The following RBFOX1 variants were observed in gnomAD, a reference collection of about 807,000 sequenced individuals.
The protein encoded by RBFOX1 is RNA binding protein fox-1 homolog 1.
RBFOX1 carries 8 observed loss-of-function variants against 57.7 expected under a neutral mutation model. The observed-to-expected ratio is 0.14, with a 90% CI of 0.08 to 0.25. The LOEUF (loss-of-function observed/expected upper bound fraction) is 0.25. Among genes scored for constraint, RBFOX1 ranks in the 10% least tolerant of loss-of-function variants. The probability of loss-of-function intolerance (pLI) is 1.00; values close to 1 mark genes in which losing one functional copy is unlikely to be tolerated. For missense variants in RBFOX1, 611 were observed against 548.5 expected (o/e 1.11, Z -1.14); for synonymous variants, 326 against 222.4 (o/e 1.47, Z -4.15).
At chr16:6,270,779 C>T (rs2075118467) in intron 1 of RBFOX1, among the ~76,000 whole-genome samples, 1 of 152,104 alleles carries the variant, frequency 6.6e-6, no homozygotes, top group Non-Finnish European at 1.5e-5. Flanking sequence ...GTTTCTTTTT[C>T]ATGTCCATGG....
At chr16:6,797,978 A>G (rs532004816) in intron 3 of RBFOX1, among the ~76,000 whole-genome samples, 8 of 152,018 alleles carry the variant, frequency 5.3e-5, no homozygotes, top group Non-Finnish European at 1.2e-4. Flanking sequence ...TGATGGTGAT[A>G]GCGGTGATGG....
rs72778533 is a variant in RBFOX1, at chr16:7,711,734, G to T, written c.*989G>T. ...AACAGTCTATGAAGCTTTAGTTTTA[G>T]CCTAGTAGAACAACTGTTAGAGACA... On this transcript the variant is annotated 3_prime_UTR_variant, in exon 16 of 16. Transcript: ENST00000550418. The T allele has an allele frequency of 0.073, 11,119 of 152,620 alleles. 543 individuals carry two copies. Among genetic ancestry groups the T allele is most frequent in the Non-Finnish European group, 0.1 (7,062 of 68,002 alleles). 9.5% of individuals were successfully genotyped at this position (152,620 alleles called of 1,614,324 possible). A position where few individuals can be genotyped will look rare whatever the true frequency, so the allele number is the denominator to read the frequency against.
chr16:5,370,683 C>T (rs1329559683), intron 1 of RBFOX1, among the ~76,000 whole-genome samples: 2 of 151,716 alleles, frequency 1.3e-5, no homozygotes, highest in Non-Finnish European at 2.9e-5. Context: ...TTTGTAGAGA[C>T]AGAGTCTCTG....
At chr16:5,598,181 C>G (rs890139145) in intron 2 of RBFOX1, among the ~76,000 whole-genome samples, 2 of 151,540 alleles carry the variant, frequency 1.3e-5, no homozygotes, top group Admixed American at 1.3e-4. Flanking sequence ...GCCTATAGTC[C>G]CAGCAACTTG....
chr16:7,091,077 C>A (rs1026461371), intron 4 of RBFOX1, among the ~76,000 whole-genome samples: 15 of 152,190 alleles, frequency 9.9e-5, no homozygotes, highest in Non-Finnish European at 1.5e-5. Flanking sequence ...ATGGTCCCCG[C>A]TTAAACTCTA....
At position 5,991,181 on chromosome 16, in the gene RBFOX1, G is replaced by C. The variant is rs534264845; in HGVS notation, c.351+123846G>C. On this transcript the variant is annotated intron_variant, in intron 4 of 19. Transcript: ENST00000641259. ...GGTTACATACAATGCGTTGTATTCAGTTGACCCTCATGGCAATCCCACTAG... is the reference window on the plus strand; with the variant it reads ...GGTTACATACAATGCGTTGTATTCACTTGACCCTCATGGCAATCCCACTAG... 6.6e-5 allele frequency among the ~76,000 whole-genome samples: 10 copies of C among 152,274 alleles called. No homozygotes were observed. In the South Asian group the frequency reaches 1.7e-3, roughly 25 times the overall value.
chr16:6,043,997 C>G (rs150878610), intron 1 of RBFOX1, among the ~76,000 whole-genome samples: 6 of 152,300 alleles, frequency 3.9e-5, no homozygotes, highest in African/African-American at 2.4e-5. Context: ...TTCTAGGTTG[C>G]TGCATAGCCT....
chr16:7,373,491 G>C (rs934882057), intron 4 of RBFOX1, among the ~76,000 whole-genome samples: 2 of 152,120 alleles, frequency 1.3e-5, no homozygotes, highest in Admixed American at 6.5e-5. Flanking sequence ...CAGAATAGAT[G>C]GTGTTAATCT....
chr16:7,219,765 G>A lies in RBFOX1; in HGVS notation c.27+167667G>A, dbSNP rs924331480. On this transcript the variant is annotated intron_variant, in intron 4 of 15. Transcript: ENST00000550418. The stretch of plus-strand genomic sequence containing the variant: ...GAATGACTCCATTCCTTTTAGAAAA[G>A]CCAGACGGATAATTTAATTTTTGTT... Among the ~76,000 whole-genome samples the A allele has an allele frequency of 3.9e-5, 6 of 152,278 alleles. No homozygotes were observed. In the East Asian group the frequency reaches 1.2e-3, roughly 29 times the overall value.
At chr16:7,703,277 A>G (rs975069269) in intron 14 of RBFOX1, among the ~76,000 whole-genome samples, 7 of 152,202 alleles carry the variant, frequency 4.6e-5, no homozygotes, top group African/African-American at 1.7e-4. Context: ...CTGGTGAGAC[A>G]TCCCATTTTG....
chr16:6,182,308 C>G (rs1001153172), intron 1 of RBFOX1, among the ~76,000 whole-genome samples: 17 of 152,188 alleles, frequency 1.1e-4, no homozygotes, highest in South Asian at 4.1e-4. Flanking sequence ...TCTGTTCTCT[C>G]TCACTTTCAT....
chr16:6,577,889 A>C (rs1284170441), intron 2 of RBFOX1, among the ~76,000 whole-genome samples: 2 of 152,178 alleles, frequency 1.3e-5, no homozygotes, highest in Non-Finnish European at 2.9e-5. Flanking sequence ...TAAACAAACG[A>C]GGCAATCATT....
rs138500943 is a variant in RBFOX1 at position 6,567,115 on chromosome 16, C to G, written c.-63-87488C>G. On this transcript the variant is annotated intron_variant, in intron 2 of 15. Transcript: ENST00000550418. ...TACTCTATTAAATGAGCAGGCTGTC[C>G]AGATTTCTCTGCATCGCCTTTGGTT... is the stretch of plus-strand genomic sequence containing the variant. Among the ~76,000 whole-genome samples, 327 of 152,218 alleles carry G rather than the reference C, an allele frequency of 2.1e-3. 1 individual carries two copies. Among genetic ancestry groups the G allele is most frequent in the Non-Finnish European group, 3.9e-3 (263 of 68,024 alleles).
At chr16:7,579,465 G>A (rs1338552557) in intron 5 of RBFOX1, among the ~76,000 whole-genome samples, 1 of 151,944 alleles carries the variant, frequency 6.6e-6, no homozygotes, top group Non-Finnish European at 1.5e-5. Flanking sequence ...AGCCTATAGT[G>A]CTTTTCTCTG....
intron 13 of RBFOX1, among the ~76,000 whole-genome samples, chr16:7,668,163 C>T (rs2070045155): frequency 6.6e-6 from 1 of 152,170 alleles, no homozygotes; most frequent in Admixed American, 6.5e-5. Flanking sequence ...GTGCCCTGCT[C>T]TCTCCCCTCC....
rs188642113 is a variant in RBFOX1, at chr16:5,619,438, G to C, written c.318+20477G>C. On this transcript the variant is annotated intron_variant, in intron 3 of 19. Coordinates refer to the RBFOX1 transcript ENST00000641259. Reference sequence around the variant, plus strand: ...AGATTGCTTTGCAAGGTAAGCTCTTGATTTTATGACCTCATCTCTCGCCCC... The same window carrying C: ...AGATTGCTTTGCAAGGTAAGCTCTTCATTTTATGACCTCATCTCTCGCCCC... Among the ~76,000 whole-genome samples, 19 of 152,256 alleles carry C rather than the reference G, an allele frequency of 1.2e-4. No individual in the cohort carries two copies. The East Asian group carries it at 2.5e-3, about 20-fold the overall frequency.
chr16:5,910,215 G>C (rs924687414), intron 4 of RBFOX1, among the ~76,000 whole-genome samples: 4 of 152,136 alleles, frequency 2.6e-5, no homozygotes, highest in African/African-American at 9.7e-5. Flanking sequence ...AGAATGAGAA[G>C]GGAACTAAAG....
At position 6,966,892 on chromosome 16, in the gene RBFOX1, T is replaced by G. The variant is rs1257753765; in HGVS notation, c.-15-85165T>G. Among the ~76,000 whole-genome samples, 3 of 109,702 alleles carry G rather than the reference T, an allele frequency of 2.7e-5. No individual in the cohort carries two copies. In the East Asian group the frequency reaches 8.4e-4, roughly 31 times the overall value. The allele number at this position is 109,702 out of a possible 152,430, so 72.0% of individuals were successfully genotyped here. ...CTATCCATGTATCCATCTATTCATC[T>G]CTCCATCCATCCATCCATCCATCCA... On this transcript the variant is annotated intron_variant, in intron 3 of 15. Transcript: ENST00000550418.
At chr16:7,137,070 T>C (rs2072227196) in intron 4 of RBFOX1, among the ~76,000 whole-genome samples, 1 of 152,230 alleles carries the variant, frequency 6.6e-6, no homozygotes, top group Admixed American at 6.5e-5. Flanking sequence ...TTATTATTTC[T>C]ATTCTATAAA....
Sources: allele counts gnomAD v4.1 joint callset (sites outside exome capture counted in the v4.1 genomes callset), GRCh38; gene constraint gnomAD v4.1.1; transcripts MANE v1.5; gene names NCBI Gene and HGNC (gene_info 2026-07-23, HGNC 2026-07-21).